EYS: variants seen among roughly 807,000 people sequenced by gnomAD.
EYS encodes the protein EGF-like photoreceptor maintenance factor.
A neutral mutation model predicts 282.1 loss-of-function variants in EYS; 250 were observed. The ratio of observed to expected loss-of-function variants is 0.89; its 90% CI spans 0.80 to 0.98. The LOEUF is 0.98. Among genes scored for constraint, EYS ranks in the 50% least tolerant of loss-of-function variants. EYS has a pLI of 0.00. For synonymous variants in EYS, 1,355 were observed against 1,282.9 expected (o/e 1.06, Z -1.20); for missense variants, 4,016 against 3,709.0 (o/e 1.08, Z -2.15).
chr6:65,151,909 C>T (rs1764619805), intron 12 of EYS, among the ~76,000 whole-genome samples: 1 of 151,668 alleles, frequency 6.6e-6, no homozygotes, highest in Admixed American at 6.6e-5. Context: ...ATTTTCCTCC[C>T]ACTATTTTAT....
chr6:65,618,721 G>A (rs1766328103), intron 2 of EYS, among the ~76,000 whole-genome samples: 1 of 152,088 alleles, frequency 6.6e-6, no homozygotes. Flanking sequence ...ATCTTGAATT[G>A]ATTTTTATAT....
chr6:63,849,754 C>A (rs1772193643), intron 36 of EYS, among the ~76,000 whole-genome samples: 3 of 152,040 alleles, frequency 2.0e-5, no homozygotes, highest in Admixed American at 1.3e-4. Flanking sequence ...TTCCAAAAAC[C>A]AGAATGCCTC....
intron 31 of EYS, among the ~76,000 whole-genome samples, chr6:64,149,506 T>A (rs1774631140): frequency 6.6e-6 from 1 of 152,154 alleles, no homozygotes; most frequent in Non-Finnish European, 1.5e-5. Flanking sequence ...ATAGGAAGTA[T>A]CTACAACAAT....
rs577976900 is a variant in EYS at position 64,769,306 on chromosome 6, A to C, written c.3443+44072T>G. ...AAAGAATGCCTAACTCTGTTTGCCT[A>C]GCTCAAAAGCAGCCACAGAAAGACA... On this transcript the variant is annotated intron_variant, in intron 22 of 42. Transcript: ENST00000503581. Among the ~76,000 whole-genome samples, 7 of 152,198 alleles carry C rather than the reference A, an allele frequency of 4.6e-5. No individual in the cohort carries two copies. The East Asian group carries it at 1.4e-3, about 29-fold the overall frequency.
In EYS at chr6:65,163,013, A is replaced by G. The variant is rs183959780; in HGVS notation, c.2024-105286T>C. On this transcript the variant is annotated intron_variant, in intron 12 of 42. Transcript: ENST00000503581. ...AATACATTCATGTTATCAGAAATCT[A>G]ATCCCTTCAGTACTAAATTGCCAAA... 1.6e-3 allele frequency among the ~76,000 whole-genome samples: 243 copies of G among 151,086 alleles called. 2 individuals are homozygous for G. The highest frequency in any genetic ancestry group is 5.6e-3 in the African/African-American group (233 of 41,334).
At chr6:65,196,229 G>C (rs1765763288) in intron 12 of EYS, among the ~76,000 whole-genome samples, 1 of 151,758 alleles carries the variant, frequency 6.6e-6, no homozygotes, top group African/African-American at 2.4e-5. Context: ...TATCTGAAAT[G>C]TGACTAACTG....
At chr6:65,686,135 C>G (rs958091602) in intron 1 of EYS, among the ~76,000 whole-genome samples, 2 of 152,014 alleles carry the variant, frequency 1.3e-5, no homozygotes, top group African/African-American at 4.8e-5. Flanking sequence ...ATAAAACAAA[C>G]AAACAGACTG....
intron 30 of EYS, among the ~76,000 whole-genome samples, chr6:64,237,408 C>T (rs1235558094): frequency 6.6e-6 from 1 of 152,124 alleles, no homozygotes; most frequent in African/African-American, 2.4e-5. Flanking sequence ...AATGTTATAG[C>T]TATAAACACA....
At chr6:65,286,294 T>C (rs2150279407) in intron 12 of EYS, among the ~76,000 whole-genome samples, 1 of 151,900 alleles carries the variant, frequency 6.6e-6, no homozygotes, top group East Asian at 1.9e-4. Context: ...AAATGTAGAC[T>C]TGTCTTTCTC....
chr6:65,159,291 T>C (rs1399188713), intron 12 of EYS, among the ~76,000 whole-genome samples: 3 of 151,010 alleles, frequency 2.0e-5, no homozygotes, highest in African/African-American at 7.2e-5. Context: ...TGTAGACCCC[T>C]TCTGGTTCTA....
At chr6:64,515,255 T>C (rs1201826713) in intron 26 of EYS, among the ~76,000 whole-genome samples, 1 of 151,732 alleles carries the variant, frequency 6.6e-6, no homozygotes, top group African/African-American at 2.4e-5. Flanking sequence ...TCTCAATTGA[T>C]TAGTAAAATA....
chr6:64,996,810 C>G (rs1771279661), intron 14 of EYS, among the ~76,000 whole-genome samples: 1 of 152,142 alleles, frequency 6.6e-6, no homozygotes, highest in Admixed American at 6.5e-5. Flanking sequence ...TTTGGCTTTT[C>G]AAAGGTTTGC....
At chr6:65,312,515 CA>C (rs556855679) in intron 11 of EYS, among the ~76,000 whole-genome samples, 1 of 152,232 alleles carries the variant, frequency 6.6e-6, no homozygotes. Context: ...CTATAAGTGC[CA>C]TGAAAACCTG....
intron 13 of EYS, among the ~76,000 whole-genome samples, chr6:65,031,193 A>C (rs974622987): frequency 2.7e-5 from 4 of 150,616 alleles, no homozygotes; most frequent in African/African-American, 9.7e-5. Flanking sequence ...ACACACACAT[A>C]TACACACACC....
rs185392985 is a variant in EYS at position 65,569,951 on chromosome 6, A to T, written c.-333+69827T>A. Reference sequence around the variant, plus strand: ...TCAGCTCAATCTAGGCAGCAGGCAAAATGAACCTGTTGAGTGGTTACACTG... The same window carrying T: ...TCAGCTCAATCTAGGCAGCAGGCAATATGAACCTGTTGAGTGGTTACACTG... On this transcript the variant is annotated intron_variant, in intron 2 of 42. Transcript: ENST00000503581. Among the ~76,000 whole-genome samples, 775 of 152,182 alleles carry T rather than the reference A, an allele frequency of 5.1e-3. 4 individuals carry two copies. The highest frequency in any genetic ancestry group is 0.017 in the African/African-American group (706 of 41,516).
rs550790585 is a variant in EYS, at chr6:64,022,187, AAT to A, written c.6726-23006_6726-23005del. On this transcript the variant is annotated intron_variant, in intron 33 of 42. Coordinates refer to ENST00000503581, the MANE Select transcript of EYS (RefSeq NM_001142800.2). ...TTACCCTCCATTCTCCATTAAATTG[AAT>A]ATGTTTCCATTCACACTGGCAATAC... Among the ~76,000 whole-genome samples, 27 of 152,320 alleles carry A rather than the reference AAT, an allele frequency of 1.8e-4. No homozygotes were observed. The South Asian group carries it at 5.4e-3, about 30-fold the overall frequency.
chr6:64,256,560 G>GA (rs1184940547), intron 30 of EYS, among the ~76,000 whole-genome samples: 3 of 151,834 alleles, frequency 2.0e-5, no homozygotes, highest in Admixed American at 1.3e-4. Flanking sequence ...AAGCTGCAGT[G>GA]AAAAAAAGAC....
chr6:65,274,451 G>A (rs1767988210), intron 12 of EYS, among the ~76,000 whole-genome samples: 1 of 152,152 alleles, frequency 6.6e-6, no homozygotes, highest in Admixed American at 6.6e-5. Context: ...TTTATTGCTT[G>A]AGCAAATTAG....
intron 26 of EYS, among the ~76,000 whole-genome samples, chr6:64,468,444 AG>A (rs1775994075): frequency 6.6e-6 from 1 of 152,232 alleles, no homozygotes; most frequent in Non-Finnish European, 1.5e-5. Flanking sequence ...GTTGATACAC[AG>A]ATATGAGAAA....
Sources: allele counts gnomAD v4.1 joint callset (sites outside exome capture counted in the v4.1 genomes callset), GRCh38; gene constraint gnomAD v4.1.1; transcripts MANE v1.5; gene names NCBI Gene and HGNC (gene_info 2026-07-23, HGNC 2026-07-21).